PALB2: variants seen among roughly 807,000 people sequenced by gnomAD.
PALB2 encodes partner and localizer of BRCA2.
In PALB2, 82 loss-of-function variants were observed where a neutral mutation model predicts 107.4. The ratio of observed to expected loss-of-function variants is 0.76; its 90% CI spans 0.64 to 0.92. The LOEUF (loss-of-function observed/expected upper bound fraction) is 0.92, where lower values mean the gene tolerates loss of function less well. PALB2 is among the 40% of genes least tolerant of loss of function. PALB2 has a pLI of 0.00. For synonymous variants in PALB2, 489 were observed against 496.8 expected (o/e 0.98, Z 0.21); for missense variants, 1,374 against 1,379.9 (o/e 1.00, Z 0.07).
At position 23,635,842 on chromosome 16, in the gene PALB2, G is replaced by A. The variant is rs1385914265; in HGVS notation, c.704C>T (p.Thr235Ile). Reference protein sequence around the residue: ...PTAQPEKGVDTFLRRPNFTRA... With the variant: ...PTAQPEKGVDIFLRRPNFTRA... ...GGTGAAATTAGGTCTTCTTAGGAATGTATCAACACCTTTTTCTGGTTGGGC... is the reference window on the plus strand; with the variant it reads ...GGTGAAATTAGGTCTTCTTAGGAATATATCAACACCTTTTTCTGGTTGGGC... The change falls in exon 4 of 13, where the codon ACA becomes ATA. Residue 235 changes from threonine (T) to isoleucine (I), a missense_variant. Transcript: ENST00000261584. 3.7e-6 allele frequency: 6 copies of A among 1,614,162 alleles called. No homozygotes were observed. Among genetic ancestry groups the A allele is most frequent in the Non-Finnish European group, 4.2e-6 (5 of 1,180,024 alleles).
chr16:23,633,822 G>T (rs1327124222), intron 4 of PALB2, among the ~76,000 whole-genome samples: 1 of 152,006 alleles, frequency 6.6e-6, no homozygotes, highest in Non-Finnish European at 1.5e-5. Flanking sequence ...TCCCACCTCA[G>T]CCTCTCAAGT....
intron 4 of PALB2, among the ~76,000 whole-genome samples, chr16:23,632,160 TG>T (rs1966883934): frequency 6.6e-6 from 1 of 152,158 alleles, no homozygotes; most frequent in African/African-American, 2.4e-5. Flanking sequence ...TTATGCTAAG[TG>T]GCCAGGCTCA....
intron 12 of PALB2, among the ~76,000 whole-genome samples, 170 bp downstream of exon 12, chr16:23,607,694 G>A (rs1260436191): frequency 6.6e-6 from 1 of 152,012 alleles, no homozygotes; most frequent in African/African-American, 2.4e-5. Flanking sequence ...GGGAATCTGG[G>A]GTTTGACTCA....
intron 6 of PALB2, among the ~76,000 whole-genome samples, chr16:23,628,438 A>G (rs1966851290): frequency 6.6e-6 from 1 of 152,014 alleles, no homozygotes. Context: ...GAGCTTCTGC[A>G]CCCCCATCTT....
intron 3 of PALB2, 39 bp from the exon 4 acceptor site, chr16:23,636,373 TATAAA>T (rs2142448899): frequency 1.4e-6 from 2 of 1,385,306 alleles, no homozygotes; most frequent in Non-Finnish European, 1.9e-6. Context: ...ATATTTTTCT[TATAAA>T]ATAAAACAAA....
At chr16:23,640,841 G>A in intron 1 of PALB2, 1 of 412,704 alleles carries the variant, frequency 2.4e-6, no homozygotes, top group Non-Finnish European at 4.4e-6. Context: ...GGAGGGGGGA[G>A]GAGCAAGGGT....
intron 3 of PALB2, among the ~76,000 whole-genome samples, chr16:23,637,000 A>C (rs1220916412): frequency 6.6e-6 from 1 of 152,224 alleles, no homozygotes; most frequent in Non-Finnish European, 1.5e-5. Context: ...CTGTAATCCC[A>C]GCACTTTGGG....
intron 7 of PALB2, among the ~76,000 whole-genome samples, chr16:23,625,554 C>G (rs1567215077): frequency 6.6e-6 from 1 of 151,238 alleles, no homozygotes; most frequent in Admixed American, 6.6e-5. Flanking sequence ...CAGCACTTTG[C>G]GAGGCTGAGG....
At chr16:23,639,933 G>A (rs1243601128) in intron 1 of PALB2, among the ~76,000 whole-genome samples, 2 of 152,122 alleles carry the variant, frequency 1.3e-5, no homozygotes, top group Non-Finnish European at 1.5e-5. Context: ...CCAGCCTGGC[G>A]TGCAGTGGCG....
chr16:23,640,792 T>A (rs144873149), intron 1 of PALB2: 18 of 337,794 alleles, frequency 5.3e-5, no homozygotes, highest in African/African-American at 3.6e-4. Context: ...AAGATTTACT[T>A]GAGGCCGTCC....
chr16:23,622,396 T>TGA (rs146886382), intron 9 of PALB2, among the ~76,000 whole-genome samples: 2,971 of 152,102 alleles, frequency 0.02, 92 homozygotes, highest in African/African-American at 0.068. Flanking sequence ...TTTGTGTGTG[T>TGA]GTGTGTGTGT....
At chr16:23,637,152 G>A (rs900152988) in intron 3 of PALB2, among the ~76,000 whole-genome samples, 1 of 152,128 alleles carries the variant, frequency 6.6e-6, no homozygotes, top group Non-Finnish European at 1.5e-5. Flanking sequence ...GGAGGCTGAG[G>A]CAGGAGAATT....
intron 11 of PALB2, 78 bp downstream of exon 11, chr16:23,613,926 T>C (rs1966631829): frequency 3.7e-6 from 4 of 1,077,670 alleles, no homozygotes; most frequent in Non-Finnish European, 2.8e-6. Context: ...GTTTGTTCAT[T>C]ACTGCTTATG....
rs1967215860 is a variant in PALB2, at chr16:23,640,857, T to C, written c.48+253A>G. ...GAGGGGGGAGGAGCAAGGGTGTCGA[T>C]ACAGCTTTATCTACAAACTGTTACA... On this transcript the variant is annotated intron_variant, in intron 1 of 12. Coordinates refer to ENST00000261584, the MANE Select transcript of PALB2 (RefSeq NM_024675.4). 8 of 475,572 alleles carry C rather than the reference T, an allele frequency of 1.7e-5. No individual in the cohort carries two copies. The South Asian group carries it at 2.3e-4, about 14-fold the overall frequency. The allele number at this position is 475,572 out of a possible 1,614,324, so 29.5% of individuals were successfully genotyped here. A position where few individuals can be genotyped will look rare whatever the true frequency, so the allele number is the denominator to read the frequency against.
At chr16:23,639,450 G>C (rs766437775) in intron 1 of PALB2, among the ~76,000 whole-genome samples, 1 of 150,732 alleles carries the variant, frequency 6.6e-6, no homozygotes, top group Non-Finnish European at 1.5e-5. Context: ...ACCCGGAGGC[G>C]GAGGTTGCAG....
intron 7 of PALB2, among the ~76,000 whole-genome samples, chr16:23,625,425 G>A (rs189974319): frequency 6.6e-6 from 1 of 152,228 alleles, no homozygotes; most frequent in East Asian, 1.9e-4. Flanking sequence ...CAGCACTCTG[G>A]GAGGCTGAGG....
chr16:23,626,235 C>A lies in PALB2; in HGVS notation c.2748+1G>T, dbSNP rs753153576. 1.2e-6 allele frequency: 2 copies of A among 1,614,212 alleles called. No individual in the cohort carries two copies. Among genetic ancestry groups the A allele is most frequent in the Non-Finnish European group, 1.7e-6 (2 of 1,180,034 alleles). On this transcript the variant is annotated splice_donor_variant, in intron 7 of 12. Coordinates refer to ENST00000261584, the MANE Select transcript of PALB2 (RefSeq NM_024675.4). LOFTEE classifies it high-confidence loss of function. Reference sequence around the variant, plus strand: ...TCTTTCAGCTCGAGATTCCCACTTACCTCTGCGAAGTGCCAGGTATAAAGT... The same window carrying A: ...TCTTTCAGCTCGAGATTCCCACTTAACTCTGCGAAGTGCCAGGTATAAAGT...
chr16:23,616,938 G>A (rs1454762678), intron 10 of PALB2, among the ~76,000 whole-genome samples: 8 of 151,396 alleles, frequency 5.3e-5, no homozygotes, highest in South Asian at 2.1e-4. Context: ...TCAGCCTCCC[G>A]AGTAGCTGGG....
At chr16:23,636,391 A>G in intron 3 of PALB2, 57 bp from the exon 4 acceptor site, 3 of 1,215,030 alleles carry the variant, frequency 2.5e-6, no homozygotes, top group South Asian at 1.6e-5. Flanking sequence ...AAAACAAAAA[A>G]TACTCATTTT....
Sources: allele counts gnomAD v4.1 joint callset (sites outside exome capture counted in the v4.1 genomes callset), GRCh38; gene constraint gnomAD v4.1.1; transcripts MANE v1.5; gene names NCBI Gene and HGNC (gene_info 2026-07-23, HGNC 2026-07-21).